PSMB7: variants seen among roughly 807,000 people sequenced by gnomAD.
PSMB7 encodes proteasome subunit beta type-7.
A neutral mutation model predicts 28.1 loss-of-function variants in PSMB7; 5 were observed. The observed-to-expected ratio is 0.18, with a 90% CI of 0.09 to 0.37. The LOEUF (loss-of-function observed/expected upper bound fraction) is 0.37. Among genes scored for constraint, PSMB7 ranks in the 10% least tolerant of loss-of-function variants. The pLI, the probability that PSMB7 is intolerant of heterozygous loss-of-function variation, is 1.00. For missense variants in PSMB7, 275 were observed against 346.2 expected (o/e 0.79, Z 1.63); for synonymous variants, 122 against 123.7 (o/e 0.99, Z 0.09).
chr9:124,372,768 G>A (rs1830575388), intron 6 of PSMB7, among the ~76,000 whole-genome samples: 2 of 152,324 alleles, frequency 1.3e-5, no homozygotes, highest in South Asian at 4.1e-4. Context: ...AGAGAGATGA[G>A]GAAGACACAG....
At chr9:124,403,074 T>C (rs1439598600) in intron 5 of PSMB7, among the ~76,000 whole-genome samples, 1 of 151,556 alleles carries the variant, frequency 6.6e-6, no homozygotes, top group Non-Finnish European at 1.5e-5. Context: ...AGACAGAAAA[T>C]ATTAAGAGGT....
intron 6 of PSMB7, among the ~76,000 whole-genome samples, chr9:124,381,163 A>G (rs1422230211): frequency 2.0e-5 from 3 of 152,358 alleles, no homozygotes; most frequent in Non-Finnish European, 4.4e-5. Context: ...CAGTGCAGCT[A>G]GAGATGACGG....
At position 124,413,894 on chromosome 9, in the gene PSMB7, G is replaced by C; in HGVS notation, c.254+14C>G. The stretch of plus-strand genomic sequence containing the variant: ...TTGAAAATATAAGAGTTATTCAAAC[G>C]AATCAATACTTACTAAATATTAGGA... On this transcript the variant is annotated intron_variant, in intron 3 of 7. Coordinates refer to ENST00000259457, the MANE Select transcript of PSMB7 (RefSeq NM_002799.4). 6.5e-7 allele frequency: 1 copy of C among 1,543,704 alleles called. No homozygotes were observed. The highest frequency in any genetic ancestry group is 8.9e-7 in the Non-Finnish European group (1 of 1,120,168).
In PSMB7 at chr9:124,353,688, C is replaced by T; in HGVS notation, c.744G>A (p.Glu248=). The change falls in exon 8 of 8, where the codon GAG becomes GAA. Residue 248 remains glutamate, a synonymous_variant. Transcript: ENST00000259457. Reference sequence around the variant, plus strand: ...CAGTGAGGACTGCAGTAGTCCCTTTCTCACACCTGTACCGGCCAAGCCTAG... The same window carrying T: ...CAGTGAGGACTGCAGTAGTCCCTTTTTCACACCTGTACCGGCCAAGCCTAG... The part of the protein sequence containing the change: ...KGTRLGRYRC[E]KGTTAVLTEK... 1 of 1,613,766 alleles carries T rather than the reference C, an allele frequency of 6.2e-7. No individual in the cohort carries two copies. The highest frequency in any genetic ancestry group is 8.5e-7 in the Non-Finnish European group (1 of 1,179,648).
chr9:124,410,695 T>C (rs1831019777), intron 4 of PSMB7, among the ~76,000 whole-genome samples: 1 of 152,238 alleles, frequency 6.6e-6, no homozygotes, highest in Non-Finnish European at 1.5e-5. Flanking sequence ...CCTATCCATA[T>C]GACTCTAGGC....
chr9:124,395,171 T>C (rs960714538), intron 5 of PSMB7, among the ~76,000 whole-genome samples: 19 of 152,174 alleles, frequency 1.2e-4, no homozygotes, highest in Middle Eastern at 3.2e-3. Context: ...GTCAAACAGC[T>C]AAATGAATGT....
rs553376281 is a variant in PSMB7, at chr9:124,414,758, G to C, written c.156+84C>G. On this transcript the variant is annotated intron_variant, in intron 2 of 7. Coordinates refer to ENST00000259457, the MANE Select transcript of PSMB7 (RefSeq NM_002799.4). ...TCTATAGCATTTGCCTTTCCAGACC[G>C]AGCCGGGAGAGACACCGGAAGCCAA... The C allele has an allele frequency of 9.2e-5, 107 of 1,167,360 alleles. 3 individuals carry two copies. The South Asian group carries it at 1.3e-3, about 14-fold the overall frequency. The allele number at this position is 1,167,360 out of a possible 1,614,324, so 72.3% of individuals were successfully genotyped here.
chr9:124,412,540 C>T (rs1239477389), intron 3 of PSMB7, 48 bp from the exon 4 acceptor site: 1 of 1,603,528 alleles, frequency 6.2e-7, no homozygotes. Context: ...TACCAGAGGG[C>T]TCAATTAGAA....
intron 7 of PSMB7, among the ~76,000 whole-genome samples, chr9:124,354,468 T>C (rs1830377298): frequency 6.6e-6 from 1 of 152,254 alleles, no homozygotes; most frequent in Non-Finnish European, 1.5e-5. Flanking sequence ...TCAAACTTGC[T>C]GTCCTTCAGG....
At chr9:124,399,386 T>C (rs918943695) in intron 5 of PSMB7, among the ~76,000 whole-genome samples, 1 of 152,136 alleles carries the variant, frequency 6.6e-6, no homozygotes, top group African/African-American at 2.4e-5. Flanking sequence ...GCTTCACTCC[T>C]GGCAGGGACT....
chr9:124,355,122 C>T (rs919010879), intron 7 of PSMB7, among the ~76,000 whole-genome samples: 3 of 152,242 alleles, frequency 2.0e-5, no homozygotes, highest in African/African-American at 7.2e-5. Flanking sequence ...TCTTCAGTCA[C>T]TGGCAAAGAA....
chr9:124,364,266 G>A (rs773919264), intron 6 of PSMB7, among the ~76,000 whole-genome samples: 1 of 152,136 alleles, frequency 6.6e-6, no homozygotes, highest in Non-Finnish European at 1.5e-5. Flanking sequence ...GGAGAGTCGG[G>A]GATGCATGCC....
chr9:124,365,659 A>G (rs918171160), intron 6 of PSMB7, among the ~76,000 whole-genome samples: 2 of 152,230 alleles, frequency 1.3e-5, no homozygotes, highest in Admixed American at 6.5e-5. Context: ...CAGGCTGGCT[A>G]TAGTGGCTCA....
chr9:124,372,262 T>G (rs952130631), intron 6 of PSMB7, among the ~76,000 whole-genome samples: 2 of 152,222 alleles, frequency 1.3e-5, no homozygotes, highest in Non-Finnish European at 2.9e-5. Context: ...TGGAACCTGA[T>G]GACATTCTGC....
At chr9:124,413,412 G>A (rs960685432) in intron 3 of PSMB7, among the ~76,000 whole-genome samples, 1 of 151,848 alleles carries the variant, frequency 6.6e-6, no homozygotes, top group Non-Finnish European at 1.5e-5. Flanking sequence ...ACAGAATTTT[G>A]ATTTTTATCC....
At chr9:124,357,889 G>C (rs1244260448) in intron 6 of PSMB7, among the ~76,000 whole-genome samples, 2 of 152,180 alleles carry the variant, frequency 1.3e-5, no homozygotes, top group South Asian at 4.1e-4. Flanking sequence ...CAGAGCTTCA[G>C]GGAGGGCTGA....
At chr9:124,387,813 A>C (rs1017883642) in intron 5 of PSMB7, among the ~76,000 whole-genome samples, 11 of 152,138 alleles carry the variant, frequency 7.2e-5, no homozygotes, top group African/African-American at 2.4e-4. Flanking sequence ...ATACAGCTGC[A>C]ATTGCCTGAA....
At chr9:124,396,129 G>A (rs1830838293) in intron 5 of PSMB7, among the ~76,000 whole-genome samples, 1 of 152,172 alleles carries the variant, frequency 6.6e-6, no homozygotes. Flanking sequence ...TGCTAAATTT[G>A]CACCCAATTT....
At chr9:124,412,565 G>T (rs910438575) in intron 3 of PSMB7, 73 bp from the exon 4 acceptor site, 1 of 1,518,862 alleles carries the variant, frequency 6.6e-7, no homozygotes. Flanking sequence ...TGGGTTCTTG[G>T]ATAACTTCCA....
Sources: gnomAD v4.1 joint callset for allele counts (sites outside exome capture counted in the v4.1 genomes callset) on GRCh38, gnomAD v4.1.1 for gene constraint, MANE v1.5 for transcripts, NCBI Gene and HGNC (gene_info 2026-07-23, HGNC 2026-07-21) for gene names.